The following MAPRE2 variants were observed in gnomAD, a reference collection of about 807,000 sequenced individuals.
The protein encoded by MAPRE2 is microtubule associated protein RP/EB family member 2.
In MAPRE2, 13 loss-of-function variants were observed where a neutral mutation model predicts 43.2. That is an observed-to-expected ratio of 0.30 (90% CI 0.20 to 0.48). The LOEUF (loss-of-function observed/expected upper bound fraction) is 0.48. Among genes scored for constraint, MAPRE2 ranks in the 20% least tolerant of loss-of-function variants. MAPRE2 has a pLI of 0.99. For missense variants in MAPRE2, 161 were observed against 400.2 expected, an observed-to-expected ratio of 0.40 and a Z score of 5.10; for synonymous variants, 135 against 148.8, an observed-to-expected ratio of 0.91 and a Z score of 0.68.
upstream of MAPRE2, chr18:35,041,311 T>C: frequency 2.8e-6 from 4 of 1,417,246 alleles, no homozygotes; most frequent in East Asian, 2.6e-5. Flanking sequence ...CGGGTTGCCA[T>C]GGCAACAGGC....
chr18:35,081,521 C>T (rs1907629464), intron 2 of MAPRE2, among the ~76,000 whole-genome samples: 1 of 152,156 alleles, frequency 6.6e-6, no homozygotes, highest in Non-Finnish European at 1.5e-5. Flanking sequence ...GGACGGGACT[C>T]TTTTCAGGGA....
At position 35,079,849 on chromosome 18, in the gene MAPRE2, C is replaced by T. The variant is rs539640988; in HGVS notation, c.250+9527C>T. Among the ~76,000 whole-genome samples the T allele has an allele frequency of 2.6e-5, 4 of 152,220 alleles. No homozygotes were observed. The South Asian group carries it at 8.3e-4, about 32-fold the overall frequency. ...GAAGTTATTCAAGTATAAAAGAGGACGAAAGGACATTTTAGACAAAAAGTT... is the reference window on the plus strand; with the variant it reads ...GAAGTTATTCAAGTATAAAAGAGGATGAAAGGACATTTTAGACAAAAAGTT... On this transcript the variant is annotated intron_variant, in intron 2 of 6. Transcript: ENST00000300249.
upstream of MAPRE2, among the ~76,000 whole-genome samples, chr18:35,040,207 AAAT>A (rs1177333267): frequency 6.6e-6 from 1 of 152,192 alleles, no homozygotes; most frequent in Non-Finnish European, 1.5e-5. Flanking sequence ...TGCCTCTAAA[AAAT>A]AATAATAAAA....
intron 1 of MAPRE2, 63 bp downstream of exon 1, chr18:35,041,724 C>T: frequency 6.2e-7 from 1 of 1,612,100 alleles, no homozygotes; most frequent in South Asian, 1.1e-5. Context: ...AAATCCAGCC[C>T]GTTATATAAT....
At chr18:35,023,138 G>A (rs1352477537) in intron 2 of MAPRE2, among the ~76,000 whole-genome samples, 1 of 152,086 alleles carries the variant, frequency 6.6e-6, no homozygotes, top group East Asian at 1.9e-4. Context: ...AAAGGCAAAG[G>A]ATAATAGTTA....
chr18:35,086,904 G>C (rs1384852414), intron 2 of MAPRE2, among the ~76,000 whole-genome samples: 3 of 152,078 alleles, frequency 2.0e-5, no homozygotes, highest in African/African-American at 7.2e-5. Flanking sequence ...TATGTTTCTT[G>C]CGTAATATAT....
intron 1 of MAPRE2, among the ~76,000 whole-genome samples, chr18:34,990,973 A>T (rs959518181): frequency 6.6e-6 from 1 of 152,194 alleles, no homozygotes; most frequent in Non-Finnish European, 1.5e-5. Flanking sequence ...TTGGGGACAG[A>T]TAATCTGATG....
At chr18:35,062,156 G>T (rs899482056) in intron 1 of MAPRE2, among the ~76,000 whole-genome samples, 1 of 152,070 alleles carries the variant, frequency 6.6e-6, no homozygotes, top group Non-Finnish European at 1.5e-5. Context: ...AGGAAAAGAC[G>T]TTTGGGGGGA....
At chr18:35,133,058 C>T (rs1026619566) in intron 6 of MAPRE2, among the ~76,000 whole-genome samples, 2 of 152,232 alleles carry the variant, frequency 1.3e-5, no homozygotes, top group South Asian at 2.1e-4. Flanking sequence ...TGTTCTGAGC[C>T]TGTGATGTTC....
chr18:35,087,995 T>C (rs910898558), intron 2 of MAPRE2, among the ~76,000 whole-genome samples: 1 of 152,122 alleles, frequency 6.6e-6, no homozygotes, highest in African/African-American at 2.4e-5. Context: ...TATAACGAAT[T>C]GCTTTCCCAA....
In MAPRE2 at chr18:35,095,523, GT is replaced by G. The variant is rs59656363; in HGVS notation, c.251-1909del. On this transcript the variant is annotated intron_variant, in intron 2 of 6. Coordinates refer to ENST00000300249, the MANE Select transcript of MAPRE2 (RefSeq NM_014268.4). ...TCCTTCCCTCACTATATGGAAGAGG[GT>G]TTTTTTTTTTTTTCAAAAGCTGTTA... 5.9e-3 allele frequency among the ~76,000 whole-genome samples: 794 copies of G among 134,200 alleles called. 10 individuals carry two copies. The highest frequency in any genetic ancestry group is 0.017 in the African/African-American group (645 of 36,864). 88.0% of individuals were successfully genotyped at this position (134,200 alleles called of 152,430 possible).
Position 35,142,752 on chromosome 18 carries a change from G to A in MAPRE2, c.*2383G>A, listed in dbSNP as rs1237411366. 6.6e-6 allele frequency: 1 copy of A among 152,184 alleles called. No homozygotes were observed. Among genetic ancestry groups the A allele is most frequent in the African/African-American group, 2.4e-5 (1 of 41,430 alleles). The allele number at this position is 152,184 out of a possible 1,614,324, so 9.4% of individuals were successfully genotyped here. A position where few individuals can be genotyped will look rare whatever the true frequency, so the allele number is the denominator to read the frequency against. ...ATCTTTAACAGCTGAATTTGAGTCAGTCCTCTTAGGCTGCACCTCCAGCCT... is the reference window on the plus strand; with the variant it reads ...ATCTTTAACAGCTGAATTTGAGTCAATCCTCTTAGGCTGCACCTCCAGCCT... On this transcript the variant is annotated 3_prime_UTR_variant, in exon 7 of 7. Coordinates refer to ENST00000300249, the MANE Select transcript of MAPRE2 (RefSeq NM_014268.4).
chr18:35,134,567 C>T (rs1196325733), intron 6 of MAPRE2, among the ~76,000 whole-genome samples: 1 of 152,176 alleles, frequency 6.6e-6, no homozygotes, highest in African/African-American at 2.4e-5. Context: ...CCTCCCTCGC[C>T]GAGTGGTGGG....
intron 1 of MAPRE2, among the ~76,000 whole-genome samples, chr18:35,049,791 C>A (rs1332067660): frequency 2.6e-5 from 4 of 152,144 alleles, no homozygotes; most frequent in Admixed American, 2.6e-4. Context: ...TTTTCAAAAG[C>A]TTTCAGAAAT....
rs1407107775 is a variant in MAPRE2 at position 35,101,149 on chromosome 18, A to T, written c.397-797A>T. The stretch of plus-strand genomic sequence containing the variant: ...TGAGGATAAATGTACTATGAGTGGG[A>T]CCAGCCCCTCTTGACAACTAAGGAT... On this transcript the variant is annotated intron_variant, in intron 3 of 6. Coordinates refer to ENST00000300249, the MANE Select transcript of MAPRE2 (RefSeq NM_014268.4). Among the ~76,000 whole-genome samples the T allele has an allele frequency of 5.3e-5, 8 of 152,362 alleles. No homozygotes were observed. The East Asian group carries it at 1.5e-3, about 29-fold the overall frequency.
At chr18:35,078,558 A>G (rs1167588557) in intron 2 of MAPRE2, among the ~76,000 whole-genome samples, 2 of 152,176 alleles carry the variant, frequency 1.3e-5, no homozygotes, top group Non-Finnish European at 2.9e-5. Context: ...CCAAGAAGCC[A>G]TGTTCACAGC....
At chr18:35,054,119 G>A (rs370310183) in intron 1 of MAPRE2, among the ~76,000 whole-genome samples, 2 of 152,124 alleles carry the variant, frequency 1.3e-5, no homozygotes, top group African/African-American at 4.8e-5. Context: ...CATCTAATTT[G>A]GCAGTTTTGT....
chr18:34,992,046 T>C (rs969314718), intron 1 of MAPRE2, among the ~76,000 whole-genome samples: 2 of 152,236 alleles, frequency 1.3e-5, no homozygotes, highest in Non-Finnish European at 2.9e-5. Context: ...GAATGATTCA[T>C]AGCCCTGAGC....
chr18:35,022,441 A>C (rs1454513101), intron 2 of MAPRE2, among the ~76,000 whole-genome samples: 1 of 152,200 alleles, frequency 6.6e-6, no homozygotes, highest in Non-Finnish European at 1.5e-5. Flanking sequence ...ATAAAAAAGT[A>C]GTTAAAAGCT....
Sources: gnomAD v4.1 joint callset for allele counts (sites outside exome capture counted in the v4.1 genomes callset) on GRCh38, gnomAD v4.1.1 for gene constraint, MANE v1.5 for transcripts, NCBI Gene and HGNC (gene_info 2026-07-23, HGNC 2026-07-21) for gene names.